Variants in OPCML observed in about 807,000 individuals in gnomAD.
The protein encoded by OPCML is opioid binding protein/cell adhesion molecule like.
Under a neutral mutation model 37.8 loss-of-function variants are expected in OPCML, and 13 were observed. The ratio of observed to expected loss-of-function variants is 0.34; its 90% CI spans 0.22 to 0.55. The LOEUF is 0.55. Ranked by LOEUF, OPCML falls within the 20% of genes least tolerant of loss-of-function variation. The pLI, the probability that OPCML is intolerant of heterozygous loss-of-function variation, is 0.91. For synonymous variants in OPCML, 176 were observed against 168.8 expected (o/e 1.04, Z -0.33); for missense variants, 341 against 435.6 (o/e 0.78, Z 1.93).
rs1352473126 is a variant in OPCML, at chr11:133,174,994, A to C, written c.62-231984T>G. ...GTGTTGCACACCTATAGTTCCAGCTACTTGGGAAGTGAGATGGGAGGATCA... is the reference window on the plus strand; with the variant it reads ...GTGTTGCACACCTATAGTTCCAGCTCCTTGGGAAGTGAGATGGGAGGATCA... On this transcript the variant is annotated intron_variant, in intron 1 of 7. Coordinates refer to ENST00000524381, the MANE Select transcript of OPCML (RefSeq NM_001012393.5). The surrounding 1 kb of genome is among the most constrained non-coding windows in gnomAD (Gnocchi z 4.6). Among the ~76,000 whole-genome samples, 1 of 152,174 alleles carries C rather than the reference A, an allele frequency of 6.6e-6. No homozygotes were observed. Among genetic ancestry groups the C allele is most frequent in the Non-Finnish European group, 1.5e-5 (1 of 68,038 alleles).
chr11:133,370,953 G>C (rs1026017243), intron 1 of OPCML, among the ~76,000 whole-genome samples: 1 of 152,118 alleles, frequency 6.6e-6, no homozygotes, highest in Non-Finnish European at 1.5e-5. Context: ...GAATATACAA[G>C]AAACTCAAAT....
chr11:132,796,508 G>C (rs1296637684), intron 2 of OPCML, among the ~76,000 whole-genome samples: 1 of 146,248 alleles, frequency 6.8e-6, no homozygotes, highest in Non-Finnish European at 1.5e-5. Context: ...CAGAATAGGA[G>C]AATTCAAATT....
intron 3 of OPCML, among the ~76,000 whole-genome samples, chr11:132,575,096 T>A (rs2096447325): frequency 6.6e-6 from 1 of 152,088 alleles, no homozygotes; most frequent in Non-Finnish European, 1.5e-5. Flanking sequence ...GGTTACCATT[T>A]GCATGAACTG....
In OPCML at chr11:133,003,653, A is replaced by G. The variant is rs371220218; in HGVS notation, c.62-60643T>C. The G allele has an allele frequency of 1.5e-5, 15 of 985,362 alleles. No homozygotes were observed. In the East Asian group the frequency reaches 1.2e-3, roughly 82 times the overall value. The allele number at this position is 985,362 out of a possible 1,614,324, so 61.0% of individuals were successfully genotyped here. A position where few individuals can be genotyped will look rare whatever the true frequency, so the allele number is the denominator to read the frequency against. ...ACAATATTCTATTGTTTTGTGGAAC[A>G]TACTAAAAAAACAAACAAAATACCC... On this transcript the variant is annotated intron_variant, in intron 1 of 7. Coordinates refer to ENST00000524381, the MANE Select transcript of OPCML (RefSeq NM_001012393.5).
intron 4 of OPCML, among the ~76,000 whole-genome samples, chr11:132,485,277 A>G (rs1347186493): frequency 6.6e-6 from 1 of 152,104 alleles, no homozygotes; most frequent in African/African-American, 2.4e-5. Flanking sequence ...AGTGTTTATG[A>G]CAGTCCAGGA....
chr11:132,579,439 G>A (rs557831940), intron 3 of OPCML, among the ~76,000 whole-genome samples: 4 of 151,844 alleles, frequency 2.6e-5, no homozygotes, highest in African/African-American at 7.2e-5. Flanking sequence ...TGGGGATAAT[G>A]AGAGTAGTTG....
chr11:133,059,966 G>A (rs996098143), intron 1 of OPCML, among the ~76,000 whole-genome samples: 6 of 152,192 alleles, frequency 3.9e-5, no homozygotes, highest in Non-Finnish European at 5.9e-5. Flanking sequence ...CTTTACAGCT[G>A]TTGATACTCC....
Position 133,211,855 on chromosome 11 carries a change from C to G in OPCML, c.62-268845G>C, listed in dbSNP as rs566646475. On this transcript the variant is annotated intron_variant, in intron 1 of 7. Transcript: ENST00000524381. The surrounding 1 kb of genome is among the most constrained non-coding windows in gnomAD (Gnocchi z 4.1). The stretch of plus-strand genomic sequence containing the variant: ...CAAGAGTATAAGCATTTGACTCAAA[C>G]TCTTCAAGATAGGGAGTTAAAGAAT... Among the ~76,000 whole-genome samples, 53 of 152,324 alleles carry G rather than the reference C, an allele frequency of 3.5e-4. No homozygotes were observed. Among genetic ancestry groups the G allele is most frequent in the Admixed American group, 3.0e-3 (46 of 15,308 alleles).
chr11:132,559,360 A>C (rs2096405394), intron 3 of OPCML, among the ~76,000 whole-genome samples: 1 of 152,172 alleles, frequency 6.6e-6, no homozygotes, highest in Non-Finnish European at 1.5e-5. Context: ...GGAAGATGAA[A>C]GAAGTCAGGA....
At chr11:133,348,117 T>C (rs1477877172) in intron 1 of OPCML, among the ~76,000 whole-genome samples, 2 of 152,172 alleles carry the variant, frequency 1.3e-5, no homozygotes, top group Non-Finnish European at 2.9e-5. Context: ...GGAAAAGCAA[T>C]AGAATTTGTC....
Position 133,021,658 on chromosome 11 carries a change from C to A in OPCML, c.62-78648G>T, listed in dbSNP as rs910879872. 3.4e-4 allele frequency among the ~76,000 whole-genome samples: 6 copies of A among 17,518 alleles called. No individual in the cohort carries two copies. In the African/African-American group the frequency reaches 5.3e-3, roughly 15 times the overall value. 11.5% of individuals were successfully genotyped at this position (17,518 alleles called of 152,430 possible). A position where few individuals can be genotyped will look rare whatever the true frequency, so the allele number is the denominator to read the frequency against. On this transcript the variant is annotated intron_variant, in intron 1 of 7. Coordinates refer to ENST00000524381, the MANE Select transcript of OPCML (RefSeq NM_001012393.5). ...AGAAAAAGTGGCAATAAGGGGATGT[C>A]ATTTCTAATCTTGTCCCAGCATTCC...
intron 2 of OPCML, among the ~76,000 whole-genome samples, chr11:132,852,267 A>G (rs889984434): frequency 6.6e-6 from 1 of 152,162 alleles, no homozygotes; most frequent in Non-Finnish European, 1.5e-5. Context: ...ATGCAAAAAA[A>G]CTACTGAAAA....
At chr11:133,220,292 T>C (rs1182330958) in intron 1 of OPCML, among the ~76,000 whole-genome samples, 1 of 152,176 alleles carries the variant, frequency 6.6e-6, no homozygotes, top group East Asian at 1.9e-4. Flanking sequence ...AAAGAATGTC[T>C]GATTTTTGCA....
intron 4 of OPCML, among the ~76,000 whole-genome samples, chr11:132,477,637 GAA>G (rs2096161566): frequency 2.0e-5 from 3 of 152,162 alleles, no homozygotes; most frequent in Non-Finnish European, 4.4e-5. Flanking sequence ...CCAACATGAG[GAA>G]TGGAGGCAAA....
chr11:132,911,569 G>A (rs1944427970), intron 2 of OPCML, among the ~76,000 whole-genome samples: 1 of 152,178 alleles, frequency 6.6e-6, no homozygotes, highest in Non-Finnish European at 1.5e-5. Context: ...AGACCAGTGA[G>A]CGCCATCTGA....
Position 132,419,917 on chromosome 11 carries a change from G to T in OPCML, c.*276C>A, listed in dbSNP as rs2095951567. ...ATGATGAGGAGAGAAGCAGAGGAAA[G>T]GGAAGGGTCAAGGTAGCAGGAGCAG... On this transcript the variant is annotated 3_prime_UTR_variant, in exon 8 of 8. Coordinates refer to ENST00000524381, the MANE Select transcript of OPCML (RefSeq NM_001012393.5). 2.5e-6 allele frequency: 1 copy of T among 396,730 alleles called. No homozygotes were observed. Among genetic ancestry groups the T allele is most frequent in the African/African-American group, 2.1e-5 (1 of 48,554 alleles). The allele number at this position is 396,730 out of a possible 1,614,324, so 24.6% of individuals were successfully genotyped here.
At chr11:133,055,714 G>A (rs1267624318) in intron 1 of OPCML, among the ~76,000 whole-genome samples, 2 of 151,176 alleles carry the variant, frequency 1.3e-5, no homozygotes, top group Non-Finnish European at 2.9e-5. Flanking sequence ...CCATGAGGGA[G>A]CCACCTCTAT....
At chr11:133,461,701 A>G (rs1393088575) in intron 1 of OPCML, among the ~76,000 whole-genome samples, 1 of 151,912 alleles carries the variant, frequency 6.6e-6, no homozygotes, top group Admixed American at 6.6e-5. Context: ...AAACTTGTCA[A>G]CACTACCCAG....
At chr11:132,718,324 T>C (rs775616103) in intron 2 of OPCML, among the ~76,000 whole-genome samples, 6 of 152,114 alleles carry the variant, frequency 3.9e-5, no homozygotes, top group Non-Finnish European at 4.4e-5. Context: ...GGTGAGTTCT[T>C]TCGAGAAAAA....
Sources: allele counts gnomAD v4.1 joint callset (sites outside exome capture counted in the v4.1 genomes callset), GRCh38; gene constraint gnomAD v4.1.1; non-coding constraint Gnocchi (gnomAD v3.1); transcripts MANE v1.5; gene names NCBI Gene and HGNC (gene_info 2026-07-23, HGNC 2026-07-21).